The following STXBP5 variants were observed in gnomAD, a reference collection of about 807,000 sequenced individuals.
STXBP5 encodes syntaxin binding protein 5, also known as syntaxin-binding protein 5.
Under a neutral mutation model 152.4 loss-of-function variants are expected in STXBP5, and 50 were observed. The ratio of observed to expected loss-of-function variants is 0.33; its 90% CI spans 0.26 to 0.42. STXBP5 has a LOEUF of 0.42. Among genes scored for constraint, STXBP5 ranks in the 10% least tolerant of loss-of-function variants. STXBP5 has a pLI of 1.00. For synonymous variants in STXBP5, 492 were observed against 494.7 expected (o/e 0.99, Z 0.07); for missense variants, 1,167 against 1,388.6 (o/e 0.84, Z 2.54).
intron 2 of STXBP5, among the ~76,000 whole-genome samples, chr6:147,209,240 G>T (rs934354986): frequency 2.4e-4 from 36 of 152,182 alleles, no homozygotes; most frequent in African/African-American, 7.9e-4. Flanking sequence ...AAAATGAATT[G>T]TCAAATTATT....
intron 21 of STXBP5, among the ~76,000 whole-genome samples, chr6:147,352,203 A>T (rs1363683642): frequency 6.6e-6 from 1 of 152,224 alleles, no homozygotes; most frequent in African/African-American, 2.4e-5. Context: ...ATTATGCATG[A>T]TCTTATTTTG....
chr6:147,215,420 C>T (rs1233742875), intron 2 of STXBP5, among the ~76,000 whole-genome samples: 3 of 152,220 alleles, frequency 2.0e-5, no homozygotes, highest in Admixed American at 6.5e-5. Context: ...CTGGCTCTGT[C>T]GCCCAGGTGG....
chr6:147,367,232 T>C (rs778958017), intron 25 of STXBP5, among the ~76,000 whole-genome samples: 16 of 152,100 alleles, frequency 1.1e-4, no homozygotes, highest in Admixed American at 2.0e-4. Flanking sequence ...TACTTGAAAG[T>C]ATAGCAACAG....
At chr6:147,263,973 C>T (rs1032651967) in intron 6 of STXBP5, among the ~76,000 whole-genome samples, 3 of 151,708 alleles carry the variant, frequency 2.0e-5, no homozygotes, top group Non-Finnish European at 4.4e-5. Context: ...TTTCTATTTG[C>T]CATAGCATCT....
rs773121525 is a variant in STXBP5 at position 147,363,693 on chromosome 6, A to G, written c.2904A>G (p.Ile968Met). ...CLACFCANGH[I>M]MTFSLPSLRP... ...CCTGTTTCTGTGCCAATGGACATAT[A>G]ATGACTTTTAGGTAAGAGTTAGATA... The change falls in exon 24 of 28, where the codon ATA (isoleucine) becomes ATG (methionine). Residue 968 changes from isoleucine (I) to methionine (M), a missense_variant. This residue lies in a region of STXBP5 where 833 missense variants were observed against 986.3 expected (regional missense o/e 0.84). Transcript: ENST00000321680. 2 of 1,609,210 alleles carry G rather than the reference A, an allele frequency of 1.2e-6. No homozygotes were observed. Among genetic ancestry groups the G allele is most frequent in the South Asian group, 1.1e-5 (1 of 90,154 alleles).
intron 26 of STXBP5, among the ~76,000 whole-genome samples, chr6:147,376,502 G>C (rs1263387276): frequency 6.6e-6 from 1 of 152,022 alleles, no homozygotes; most frequent in Non-Finnish European, 1.5e-5. Flanking sequence ...TCAGCTAAAA[G>C]ACAAAAATGG....
intron 25 of STXBP5, among the ~76,000 whole-genome samples, chr6:147,367,148 CTG>C (rs1467317998): frequency 2.0e-5 from 3 of 152,134 alleles, no homozygotes; most frequent in East Asian, 1.9e-4. Context: ...AGATGAGAAA[CTG>C]TAGTGTTTGA....
chr6:147,311,331 C>T, intron 10 of STXBP5, 124 bp from the exon 11 acceptor site: 1 of 784,268 alleles, frequency 1.3e-6, no homozygotes, highest in Non-Finnish European at 2.1e-6. Context: ...CATGAAGTAT[C>T]ATAGGATCAG....
At chr6:147,209,812 A>G (rs1412030897) in intron 2 of STXBP5, among the ~76,000 whole-genome samples, 1 of 152,180 alleles carries the variant, frequency 6.6e-6, no homozygotes, top group African/African-American at 2.4e-5. Context: ...AGGAGTGGGA[A>G]AATTATTCTA....
intron 23 of STXBP5, among the ~76,000 whole-genome samples, chr6:147,362,899 C>T (rs1179202493): frequency 6.6e-6 from 1 of 152,186 alleles, no homozygotes. Context: ...GTTGTTCACA[C>T]ACTTTGGACA....
rs555496205 is a variant in STXBP5, at chr6:147,384,865, T to C, written c.*110T>C. The C allele has an allele frequency of 2.7e-6, 3 of 1,120,734 alleles. No individual in the cohort carries two copies. The South Asian group carries it at 4.1e-5, about 15-fold the overall frequency. 69.4% of individuals were successfully genotyped at this position (1,120,734 alleles called of 1,614,324 possible). On this transcript the variant is annotated 3_prime_UTR_variant, in exon 28 of 28. Transcript: ENST00000321680. ...AAGGGATGTTCGTCACTGAATACTG[T>C]TCTTTCCTAGCACAGTCATGCACTG...
intron 9 of STXBP5, among the ~76,000 whole-genome samples, chr6:147,297,229 G>A (rs1438515114): frequency 6.6e-6 from 1 of 152,074 alleles, no homozygotes; most frequent in Non-Finnish European, 1.5e-5. Flanking sequence ...CACATGTAAG[G>A]GTATCTTCAT....
chr6:147,382,938 G>A lies in STXBP5; in HGVS notation c.3354G>A (p.Leu1118=). The change falls in exon 27 of 28, where the codon CTG becomes CTA. Residue 1118 remains leucine (L), a synonymous_variant. Coordinates refer to ENST00000321680, the MANE Select transcript of STXBP5 (RefSeq NM_001127715.4). ...LDERGQKLGD[L]EERTAAMLSS... ...AAAGAGGGCAGAAACTTGGCGATCT[G>A]GAAGAAAGAACTGCGGCCATGTTAT... 6.2e-7 allele frequency: 1 copy of A among 1,613,442 alleles called. No homozygotes were observed. Among genetic ancestry groups the A allele is most frequent in the East Asian group, 2.2e-5 (1 of 44,832 alleles).
At chr6:147,215,070 CTG>C (rs1777091176) in intron 2 of STXBP5, among the ~76,000 whole-genome samples, 1 of 152,202 alleles carries the variant, frequency 6.6e-6, no homozygotes, top group South Asian at 2.1e-4. Context: ...TTTATGGTCT[CTG>C]TGACGGCTAC....
chr6:147,360,006 C>G (rs1210446828), intron 23 of STXBP5, among the ~76,000 whole-genome samples: 1 of 152,148 alleles, frequency 6.6e-6, no homozygotes, highest in Non-Finnish European at 1.5e-5. Context: ...AGACACTTCT[C>G]AAAGGAAGAC....
intron 4 of STXBP5, among the ~76,000 whole-genome samples, chr6:147,255,092 A>G (rs1370501231): frequency 1.3e-5 from 2 of 152,238 alleles, no homozygotes; most frequent in Non-Finnish European, 1.5e-5. Flanking sequence ...GATAAACTGG[A>G]TAAAGAAAAT....
intron 4 of STXBP5, among the ~76,000 whole-genome samples, chr6:147,255,772 C>T (rs537084446): frequency 6.6e-6 from 1 of 152,262 alleles, no homozygotes; most frequent in African/African-American, 2.4e-5. Context: ...CCTTGGCCTC[C>T]CACAGTGCTG....
chr6:147,324,229 C>T (rs1395721691), intron 16 of STXBP5, among the ~76,000 whole-genome samples: 3 of 120,498 alleles, frequency 2.5e-5, no homozygotes, highest in South Asian at 2.7e-4. Flanking sequence ...CGTTATGTTA[C>T]TTCATGTTTT....
chr6:147,249,221 A>G (rs140543163), intron 4 of STXBP5, among the ~76,000 whole-genome samples: 4 of 152,294 alleles, frequency 2.6e-5, no homozygotes, highest in Non-Finnish European at 5.9e-5. Context: ...CTTTTAAGCC[A>G]TTAAATTTGT....
Sources: allele counts gnomAD v4.1 joint callset (sites outside exome capture counted in the v4.1 genomes callset), GRCh38; gene constraint gnomAD v4.1.1; regional missense constraint gnomAD v4.1.1; transcripts MANE v1.5; gene names NCBI Gene and HGNC (gene_info 2026-07-23, HGNC 2026-07-21).